The following MFHAS1 variants were observed in gnomAD, a reference collection of about 807,000 sequenced individuals.
The protein encoded by MFHAS1 is malignant fibrous histiocytoma-amplified sequence 1.
Under a neutral mutation model 70.4 loss-of-function variants are expected in MFHAS1, and 50 were observed. The observed-to-expected ratio is 0.71, with a 90% confidence interval of 0.57 to 0.90. MFHAS1 has a LOEUF of 0.90. Among genes scored for constraint, MFHAS1 ranks in the 40% least tolerant of loss-of-function variants. The pLI is 0.00. For missense variants in MFHAS1, 1,795 were observed against 1,347.6 expected (o/e 1.33, Z -5.20); for synonymous variants, 952 against 620.0 (o/e 1.54, Z -7.96).
chr8:8,891,172 G>C lies in MFHAS1; in HGVS notation c.1887C>G (p.Cys629Trp). ...GGCGTCGTAAGTGGCGCGGGTCCCT[G>C]CAGCTAACAGGCAACACGGGGGAGA... ...QILSPVLPVS[C>W]RDPRHLRRLR... Residue 629 changes from cysteine to tryptophan, a missense_variant, in exon 1 of 3, where the codon TGC becomes TGG. By Grantham distance (215) the Cys-to-Trp change is radical. Transcript: ENST00000276282. This position sits in a 1 kb window ranked among gnomAD's most constrained non-coding sequence, Gnocchi z 5.4. 2 of 1,613,348 alleles carry C rather than the reference G, an allele frequency of 1.2e-6. No homozygotes were observed. Among genetic ancestry groups the C allele is most frequent in the Non-Finnish European group, 1.7e-6 (2 of 1,180,040 alleles).
intron 1 of MFHAS1, among the ~76,000 whole-genome samples, chr8:8,864,315 G>A (rs993571316): frequency 3.9e-5 from 6 of 152,170 alleles, no homozygotes; most frequent in Non-Finnish European, 7.4e-5. Context: ...TGGCCATGAG[G>A]GCCGCCCACT....
intron 2 of MFHAS1, among the ~76,000 whole-genome samples, chr8:8,793,148 G>GT (rs895997286): frequency 1.3e-5 from 2 of 151,092 alleles, no homozygotes; most frequent in Non-Finnish European, 2.9e-5. Flanking sequence ...ACTGAGACAA[G>GT]TTATAAGAGT....
At chr8:8,805,909 A>G (rs188139152) in intron 1 of MFHAS1, among the ~76,000 whole-genome samples, 93 of 151,796 alleles carry the variant, frequency 6.1e-4, no homozygotes, top group African/African-American at 2.2e-3. Context: ...TGTTGGCCAG[A>G]CTGGTCTCTA....
chr8:8,891,644 C>G lies in MFHAS1; in HGVS notation c.1415G>C (p.Arg472Pro). Residue 472 changes from arginine (R) to proline (P), a missense_variant, in exon 1 of 3, where the codon CGG becomes CCG. Physicochemically the swap from Arg to Pro is moderately radical, Grantham distance 103. Coordinates refer to ENST00000276282, the MANE Select transcript of MFHAS1 (RefSeq NM_004225.3). The surrounding 1 kb of genome is among the most constrained non-coding windows in gnomAD (Gnocchi z 5.4). ...SWTADASRGLRFIVYDLAGDE... is the reference protein window; with the variant it reads ...SWTADASRGLPFIVYDLAGDE... ...CCCAGCTAAGTCATACACGATGAACCGCAGGCCCCGGGAGGCATCGGCCGT... is the reference window on the plus strand; with the variant it reads ...CCCAGCTAAGTCATACACGATGAACGGCAGGCCCCGGGAGGCATCGGCCGT... The G allele has an allele frequency of 6.2e-7, 1 of 1,613,640 alleles. No individual in the cohort carries two copies. Among genetic ancestry groups the G allele is most frequent in the Non-Finnish European group, 8.5e-7 (1 of 1,180,040 alleles).
chr8:8,890,172 C>T lies in MFHAS1; in HGVS notation c.2887G>A (p.Val963Met). The T allele has an allele frequency of 6.2e-7, 1 of 1,614,154 alleles. No homozygotes were observed. Among genetic ancestry groups the T allele is most frequent in the Non-Finnish European group, 8.5e-7 (1 of 1,180,038 alleles). The part of the protein sequence containing the change: ...WTAWQAITPL[V>M]EELNVLLQEW... ...TGAAGTAGGACATTCAGTTCCTCCA[C>T]CAAGGGGGTTATGGCTTGCCATGCG... The change falls in exon 1 of 3, where the codon GTG becomes ATG. Residue 963 changes from valine (V) to methionine (M), a missense_variant. Val to Met is a conservative substitution (Grantham distance 21). Transcript: ENST00000276282.
intron 1 of MFHAS1, among the ~76,000 whole-genome samples, chr8:8,859,111 G>C (rs541022829): frequency 6.6e-6 from 1 of 152,204 alleles, no homozygotes; most frequent in African/African-American, 2.4e-5. Flanking sequence ...CCAAAACTTT[G>C]GGAGGCTGAG....
At chr8:8,850,346 G>C (rs1808196235) in intron 1 of MFHAS1, among the ~76,000 whole-genome samples, 1 of 151,992 alleles carries the variant, frequency 6.6e-6, no homozygotes, top group African/African-American at 2.4e-5. Context: ...ATGTTTAATA[G>C]CACTGATACC....
intron 2 of MFHAS1, among the ~76,000 whole-genome samples, chr8:8,796,884 T>G (rs1201392764): frequency 6.7e-6 from 1 of 150,214 alleles, no homozygotes; most frequent in Non-Finnish European, 1.5e-5. Context: ...TAGTCCCAGC[T>G]ACTCGGGAGG....
rs148051971 is a variant in MFHAS1, at chr8:8,892,288, T to C, written c.771A>G (p.Leu257=). ...GCAGAGCCTGCAGCCCGTTGTTGTCTAGCATGAGGCTCTCCAAACTGGCCA... is the reference window on the plus strand; with the variant it reads ...GCAGAGCCTGCAGCCCGTTGTTGTCCAGCATGAGGCTCTCCAAACTGGCCA... ...CELASLESLM[L]DNNGLQALPA... The change falls in exon 1 of 3, where the codon CTA becomes CTG. Residue 257 remains leucine (L), a synonymous_variant. Coordinates refer to ENST00000276282, the MANE Select transcript of MFHAS1 (RefSeq NM_004225.3). This position sits in a 1 kb window ranked among gnomAD's most constrained non-coding sequence, Gnocchi z 4.7. 4 of 1,612,170 alleles carry C rather than the reference T, an allele frequency of 2.5e-6. No individual in the cohort carries two copies. The African/African-American group carries it at 5.4e-5, about 22-fold the overall frequency.
At chr8:8,859,075 G>C (rs1227731215) in intron 1 of MFHAS1, among the ~76,000 whole-genome samples, 1 of 152,216 alleles carries the variant, frequency 6.6e-6, no homozygotes, top group Non-Finnish European at 1.5e-5. Context: ...CACCACGGCT[G>C]GTAGTGATGG....
intron 1 of MFHAS1, among the ~76,000 whole-genome samples, chr8:8,849,336 C>G (rs1005534487): frequency 1.3e-5 from 2 of 152,128 alleles, no homozygotes; most frequent in African/African-American, 4.8e-5. Context: ...CTGCCTCAGC[C>G]TCCTGAAGTG....
chr8:8,835,051 A>G (rs1211087274), intron 1 of MFHAS1, among the ~76,000 whole-genome samples: 1 of 152,194 alleles, frequency 6.6e-6, no homozygotes, highest in Non-Finnish European at 1.5e-5. Context: ...ACCAGACACA[A>G]AAAAAGTACA....
intron 1 of MFHAS1, among the ~76,000 whole-genome samples, chr8:8,846,169 C>T (rs566428633): frequency 9.1e-4 from 134 of 147,814 alleles, no homozygotes; most frequent in African/African-American, 3.0e-3. Context: ...AGGAGAATCG[C>T]TCGAACCTGG....
rs185449045 is a variant in MFHAS1, at chr8:8,877,876, G to T, written c.2998+12185C>A. Among the ~76,000 whole-genome samples the T allele has an allele frequency of 1.2e-3, 180 of 152,270 alleles. 1 individual carries two copies. Among genetic ancestry groups the T allele is most frequent in the African/African-American group, 4.2e-3 (176 of 41,540 alleles). ...CCATGAATGCCATTTAAACAAAGAA[G>T]TCTCTCCCTTACTATAATTTCTAAA... On this transcript the variant is annotated intron_variant, in intron 1 of 2. Coordinates refer to ENST00000276282, the MANE Select transcript of MFHAS1 (RefSeq NM_004225.3).
At chr8:8,845,108 A>G (rs753567216) in intron 1 of MFHAS1, among the ~76,000 whole-genome samples, 3 of 152,240 alleles carry the variant, frequency 2.0e-5, no homozygotes, top group Non-Finnish European at 4.4e-5. Context: ...AGTTACGAAC[A>G]GAAATTTAAA....
intron 1 of MFHAS1, among the ~76,000 whole-genome samples, chr8:8,823,772 G>A (rs560723273): frequency 1.4e-5 from 2 of 147,702 alleles, no homozygotes; most frequent in South Asian, 2.4e-4. Flanking sequence ...CACGGTGGCT[G>A]TGCTCCATCT....
chr8:8,834,546 C>A (rs546745154), intron 1 of MFHAS1, among the ~76,000 whole-genome samples: 3 of 152,276 alleles, frequency 2.0e-5, no homozygotes, highest in Non-Finnish European at 4.4e-5. Context: ...TTATAATTGC[C>A]TATAGTATTG....
chr8:8,876,552 T>C (rs747991578), intron 1 of MFHAS1, among the ~76,000 whole-genome samples: 14 of 151,976 alleles, frequency 9.2e-5, no homozygotes, highest in Non-Finnish European at 1.6e-4. Context: ...GTGGCTAACG[T>C]GGTGAAACCC....
intron 1 of MFHAS1, among the ~76,000 whole-genome samples, chr8:8,814,845 ATTTCT>A (rs1319933335): frequency 9.3e-6 from 1 of 107,362 alleles, no homozygotes; most frequent in African/African-American, 3.5e-5. Flanking sequence ...GCCTGCTAGA[ATTTCT>A]TTTTTTTTTT....
Sources: gnomAD v4.1 joint callset for allele counts (sites outside exome capture counted in the v4.1 genomes callset) on GRCh38, gnomAD v4.1.1 for gene constraint, Gnocchi (gnomAD v3.1) non-coding constraint, MANE v1.5 for transcripts, NCBI Gene and HGNC (gene_info 2026-07-23, HGNC 2026-07-21) for gene names.